ETFA: variants seen among roughly 807,000 people sequenced by gnomAD.
The protein encoded by ETFA is electron transfer flavoprotein subunit alpha.
In ETFA, 22 loss-of-function variants were observed where a neutral mutation model predicts 46.2. The ratio of observed to expected loss-of-function variants is 0.48; its 90% CI spans 0.34 to 0.68. The LOEUF is 0.68. ETFA is among the 30% of genes least tolerant of loss of function. ETFA has a pLI of 0.01. For synonymous variants in ETFA, 131 were observed against 139.9 expected (o/e 0.94, Z 0.45); for missense variants, 345 against 401.1 (o/e 0.86, Z 1.19).
intron 1 of ETFA, among the ~76,000 whole-genome samples, chr15:76,300,851 T>G (rs1484744737): frequency 6.6e-6 from 1 of 152,158 alleles, no homozygotes; most frequent in African/African-American, 2.4e-5. Flanking sequence ...CACACATTGC[T>G]CCCTCTGCCT....
chr15:76,248,622 A>G lies in ETFA; in HGVS notation c.817-17224T>C, dbSNP rs2039265961. On this transcript the variant is annotated intron_variant, in intron 9 of 11. Coordinates refer to ENST00000557943, the MANE Select transcript of ETFA (RefSeq NM_000126.4). Reference sequence around the variant, plus strand: ...ACATAAATGAAAGAAAATGTATGCAACACACATAACCAACAAAAGATGTGT... The same window carrying G: ...ACATAAATGAAAGAAAATGTATGCAGCACACATAACCAACAAAAGATGTGT... Among the ~76,000 whole-genome samples the G allele has an allele frequency of 4.6e-5, 7 of 152,214 alleles. No homozygotes were observed. The South Asian group carries it at 1.4e-3, about 31-fold the overall frequency.
chr15:76,247,921 T>C (rs995851598), intron 9 of ETFA, among the ~76,000 whole-genome samples: 4 of 152,232 alleles, frequency 2.6e-5, no homozygotes. Flanking sequence ...CAGTTATTAA[T>C]TCTCCCTATT....
rs138255469 is a variant in ETFA, at chr15:76,274,457, A to C, written c.771T>G (p.Val257=). 8 of 1,612,760 alleles carry C rather than the reference A, an allele frequency of 5.0e-6. No homozygotes were observed. In the African/African-American group the frequency reaches 9.3e-5, roughly 19 times the overall value. ...ASRAAVDAGF[V]PNDMQVGQTG... ...TCTGTCCAACTTGCATGTCATTGGG[A>C]ACAAAGCCAGCATCAACAGCAGCAC... The change falls in exon 9 of 12, where the codon GTT becomes GTG. Residue 257 remains valine, a synonymous_variant. Coordinates refer to ENST00000557943, the MANE Select transcript of ETFA (RefSeq NM_000126.4).
chr15:76,216,132 C>T lies in ETFA; in HGVS notation c.*427G>A, dbSNP rs1249058374. 1 of 166,684 alleles carries T rather than the reference C, an allele frequency of 6.0e-6. No homozygotes were observed. Among genetic ancestry groups the T allele is most frequent in the Non-Finnish European group, 1.3e-5 (1 of 78,256 alleles). The allele number at this position is 166,684 out of a possible 1,614,324, so 10.3% of individuals were successfully genotyped here. A position where few individuals can be genotyped will look rare whatever the true frequency, so the allele number is the denominator to read the frequency against. On this transcript the variant is annotated 3_prime_UTR_variant, in exon 12 of 12. Coordinates refer to ENST00000557943, the MANE Select transcript of ETFA (RefSeq NM_000126.4). ...TTCTCCTATGAAGTTTGCCCTTCAA[C>T]AATGAGATTAGTAGGTTGATTAGGC...
chr15:76,218,563 A>G (rs2038922673), intron 11 of ETFA, among the ~76,000 whole-genome samples: 1 of 152,142 alleles, frequency 6.6e-6, no homozygotes, highest in Non-Finnish European at 1.5e-5. Context: ...GAGCCACTGC[A>G]CCCAGCCCAA....
At position 76,216,394 on chromosome 15, in the gene ETFA, A is replaced by C; in HGVS notation, c.*165T>G. ...GAACCACAAATAATTAAAAGGAAAC[A>C]CAGCAATCCCATAAACAAGCATTCT... On this transcript the variant is annotated 3_prime_UTR_variant, in exon 12 of 12. Coordinates refer to ENST00000557943, the MANE Select transcript of ETFA (RefSeq NM_000126.4). 1 of 591,628 alleles carries C rather than the reference A, an allele frequency of 1.7e-6. No homozygotes were observed. The highest frequency in any genetic ancestry group is 3.0e-6 in the Non-Finnish European group (1 of 334,168). The allele number at this position is 591,628 out of a possible 1,614,324, so 36.6% of individuals were successfully genotyped here. A position where few individuals can be genotyped will look rare whatever the true frequency, so the allele number is the denominator to read the frequency against.
At position 76,230,218 on chromosome 15, in the gene ETFA, C is replaced by CTTTTTTTTTT. The variant is rs199621717; in HGVS notation, c.882+1105_882+1114dup. ...GTGTTTCCTTCCTCTACTTATTGCA[C>CTTTTTTTTTT]TTTTTTTTTTTTTTTTTTTTTTTTT... On this transcript the variant is annotated intron_variant, in intron 10 of 11. Coordinates refer to ENST00000557943, the MANE Select transcript of ETFA (RefSeq NM_000126.4). 309 of 48,364 alleles carry CTTTTTTTTTT rather than the reference C, an allele frequency of 6.4e-3. 35 individuals carry two copies. The highest frequency in any genetic ancestry group is 8.9e-3 in the Non-Finnish European group (226 of 25,440). 3.0% of individuals were successfully genotyped at this position (48,364 alleles called of 1,614,324 possible).
intron 9 of ETFA, among the ~76,000 whole-genome samples, chr15:76,232,227 C>T (rs191752561): frequency 1.8e-4 from 27 of 152,204 alleles, no homozygotes; most frequent in Admixed American, 1.7e-3. Context: ...TTTTACAGTG[C>T]CTTTGTTTGA....
At chr15:76,238,290 T>C (rs2039148255) in intron 9 of ETFA, among the ~76,000 whole-genome samples, 1 of 152,200 alleles carries the variant, frequency 6.6e-6, no homozygotes, top group Non-Finnish European at 1.5e-5. Context: ...AGAAATACCA[T>C]GCCAATATTG....
chr15:76,256,263 A>G (rs1204217914), intron 9 of ETFA, among the ~76,000 whole-genome samples: 2 of 80,768 alleles, frequency 2.5e-5, no homozygotes, highest in African/African-American at 6.9e-5. Flanking sequence ...CGTCTCAAGG[A>G]AAAAAAAAAA....
At chr15:76,274,201 AC>A in intron 9 of ETFA, 1 of 564,284 alleles carries the variant, frequency 1.8e-6, no homozygotes, top group Non-Finnish European at 3.2e-6. Flanking sequence ...GCTTTAAAAT[AC>A]TTGAATAATA....
intron 9 of ETFA, among the ~76,000 whole-genome samples, chr15:76,251,977 A>C (rs1443176815): frequency 6.6e-6 from 1 of 152,076 alleles, no homozygotes; most frequent in Non-Finnish European, 1.5e-5. Flanking sequence ...CAAGGGATAT[A>C]TCTCTCTCTC....
At chr15:76,227,958 G>C (rs1178379580) in intron 10 of ETFA, 1 of 456,036 alleles carries the variant, frequency 2.2e-6, no homozygotes, top group Non-Finnish European at 4.4e-6. Context: ...CAATAAACAA[G>C]TTTCAAACGT....
chr15:76,253,666 C>T (rs562275863), intron 9 of ETFA, among the ~76,000 whole-genome samples: 1 of 152,174 alleles, frequency 6.6e-6, no homozygotes, highest in African/African-American at 2.4e-5. Context: ...TGAATTATTC[C>T]TAGACAAAGG....
intron 11 of ETFA, among the ~76,000 whole-genome samples, chr15:76,220,845 T>C (rs1419976838): frequency 6.6e-6 from 1 of 152,122 alleles, no homozygotes; most frequent in East Asian, 1.9e-4. Context: ...AATGAGTATA[T>C]AGAAAAACTG....
In ETFA at chr15:76,224,196, C is replaced by G. The variant is rs538748097; in HGVS notation, c.963+1653G>C. ...ATCATTACACAGAGAAAAAAAAATTCTCTTTTTCATACCAGCCCCCCTTCC... is the reference window on the plus strand; with the variant it reads ...ATCATTACACAGAGAAAAAAAAATTGTCTTTTTCATACCAGCCCCCCTTCC... On this transcript the variant is annotated intron_variant, in intron 11 of 11. Transcript: ENST00000557943. 7.9e-5 allele frequency among the ~76,000 whole-genome samples: 12 copies of G among 152,202 alleles called. No individual in the cohort carries two copies. In the South Asian group the frequency reaches 1.2e-3, roughly 16 times the overall value.
chr15:76,227,191 C>T (rs530827428), intron 10 of ETFA, among the ~76,000 whole-genome samples: 8 of 152,046 alleles, frequency 5.3e-5, no homozygotes, highest in Admixed American at 6.5e-5. Context: ...TCAGCCCAGG[C>T]GTTCAAGACC....
intron 9 of ETFA, among the ~76,000 whole-genome samples, chr15:76,268,437 C>T (rs2039495732): frequency 6.6e-6 from 1 of 152,146 alleles, no homozygotes; most frequent in Admixed American, 6.5e-5. Context: ...GTCATGCTGA[C>T]ATCAACCCCC....
chr15:76,246,806 C>G (rs1268811168), intron 9 of ETFA, among the ~76,000 whole-genome samples: 1 of 151,050 alleles, frequency 6.6e-6, no homozygotes, highest in African/African-American at 2.4e-5. Flanking sequence ...GCACTCCAGC[C>G]TGGGCTACGG....
Sources: allele counts gnomAD v4.1 joint callset (sites outside exome capture counted in the v4.1 genomes callset), GRCh38; gene constraint gnomAD v4.1.1; transcripts MANE v1.5; gene names NCBI Gene and HGNC (gene_info 2026-07-23, HGNC 2026-07-21).